The following FHIT variants were observed in gnomAD, a reference collection of about 807,000 sequenced individuals.
FHIT encodes the protein fragile histidine triad diadenosine triphosphatase.
A neutral mutation model predicts 17.9 loss-of-function variants in FHIT; 19 were observed. The observed-to-expected ratio is 1.06, with a 90% CI of 0.74 to 1.56. The LOEUF (loss-of-function observed/expected upper bound fraction) is 1.56. Among genes scored for constraint, FHIT ranks in the 40% most tolerant of loss-of-function variants. The pLI, the probability that FHIT is intolerant of heterozygous loss-of-function variation, is 0.00. For missense variants in FHIT, 248 were observed against 189.2 expected, an observed-to-expected ratio of 1.31 and a Z score of -1.82; for synonymous variants, 81 against 69.7, an observed-to-expected ratio of 1.16 and a Z score of -0.81.
chr3:60,492,208 T>C (rs1045179169), intron 5 of FHIT, among the ~76,000 whole-genome samples: 1 of 152,182 alleles, frequency 6.6e-6, no homozygotes, highest in Admixed American at 6.5e-5. Flanking sequence ...TATATGATGC[T>C]TATGTGGAAG....
At chr3:61,249,352 C>T (rs566366888) in intron 1 of FHIT, among the ~76,000 whole-genome samples, 78 of 152,284 alleles carry the variant, frequency 5.1e-4, no homozygotes, top group Admixed American at 1.3e-3. Context: ...TATATGGAAT[C>T]TTTATTATAG....
intron 7 of FHIT, among the ~76,000 whole-genome samples, chr3:60,001,550 G>A (rs1699729326): frequency 6.6e-6 from 1 of 152,144 alleles, no homozygotes; most frequent in African/African-American, 2.4e-5. Context: ...CGAGATCAGA[G>A]CGATTCAGAA....
At chr3:59,946,394 T>A (rs1401622717) in intron 7 of FHIT, among the ~76,000 whole-genome samples, 2 of 152,242 alleles carry the variant, frequency 1.3e-5, no homozygotes, top group Non-Finnish European at 2.9e-5. Flanking sequence ...CTTGCTGAAG[T>A]TGTTTATCAA....
At chr3:59,965,085 A>G (rs1429425018) in intron 7 of FHIT, among the ~76,000 whole-genome samples, 1 of 152,168 alleles carries the variant, frequency 6.6e-6, no homozygotes, top group Non-Finnish European at 1.5e-5. Flanking sequence ...TTAGGAAATA[A>G]CTAATTATAG....
intron 3 of FHIT, among the ~76,000 whole-genome samples, chr3:60,832,564 A>C (rs1385450709): frequency 6.6e-6 from 1 of 152,112 alleles, no homozygotes; most frequent in Non-Finnish European, 1.5e-5. Flanking sequence ...AACCAATTTC[A>C]ATAGAAACCA....
intron 4 of FHIT, among the ~76,000 whole-genome samples, chr3:60,569,745 A>ATT (rs2037296758): frequency 3.4e-5 from 2 of 58,804 alleles, no homozygotes; most frequent in African/African-American, 6.4e-5. Context: ...ATATATATAT[A>ATT]TATATATATA....
At position 60,277,683 on chromosome 3, in the gene FHIT, C is replaced by T. The variant is rs970454141; in HGVS notation, c.103+259177G>A. ...GCCTCCTCAAGCCTGCCTATAAACTCCAATGCACTCTGCCACAGGCTGGAA... is the reference window on the plus strand; with the variant it reads ...GCCTCCTCAAGCCTGCCTATAAACTTCAATGCACTCTGCCACAGGCTGGAA... On this transcript the variant is annotated intron_variant, in intron 5 of 9. Transcript: ENST00000492590. Among the ~76,000 whole-genome samples the T allele has an allele frequency of 3.9e-5, 6 of 152,252 alleles. No homozygotes were observed. In the South Asian group the frequency reaches 6.2e-4, roughly 16 times the overall value.
intron 5 of FHIT, among the ~76,000 whole-genome samples, chr3:60,377,220 T>TTTTTTTG (rs1700600150): frequency 2.7e-5 from 4 of 146,946 alleles, no homozygotes; most frequent in Non-Finnish European, 6.0e-5. Flanking sequence ...TTTTTTTTTT[T>TTTTTTTG]AATGGAGTTT....
At chr3:59,993,675 G>A (rs996867173) in intron 7 of FHIT, among the ~76,000 whole-genome samples, 8 of 151,858 alleles carry the variant, frequency 5.3e-5, no homozygotes, top group African/African-American at 7.2e-5. Flanking sequence ...TGAGGCCGGC[G>A]CCACCAAAAC....
chr3:60,726,007 G>A (rs1415893699), intron 4 of FHIT, among the ~76,000 whole-genome samples: 1 of 152,196 alleles, frequency 6.6e-6, no homozygotes, highest in Non-Finnish European at 1.5e-5. Context: ...GAATGGCACT[G>A]GAAAGTGGAG....
chr3:60,277,537 C>T (rs981381408), intron 5 of FHIT, among the ~76,000 whole-genome samples: 4 of 152,122 alleles, frequency 2.6e-5, no homozygotes, highest in Admixed American at 1.3e-4. Context: ...GGCAACATGG[C>T]GCCAGCTGGG....
intron 2 of FHIT, among the ~76,000 whole-genome samples, chr3:61,175,605 CGATTAAGTCATGAGGGCGAG>C (rs1186084625): frequency 6.6e-6 from 1 of 151,974 alleles, no homozygotes; most frequent in African/African-American, 2.4e-5. Context: ...CCTTGGGTAG[CGATTAAGTCATGAGGGCGAG>C]GCTCTCATGA....
chr3:60,247,021 G>A (rs763746545), intron 5 of FHIT, among the ~76,000 whole-genome samples: 17 of 152,170 alleles, frequency 1.1e-4, no homozygotes, highest in Non-Finnish European at 1.5e-4. Context: ...CAAACTCATC[G>A]AACATACATC....
chr3:60,969,035 TTCATTTAATACCCC>T (rs1361130984), intron 3 of FHIT, among the ~76,000 whole-genome samples: 2 of 152,176 alleles, frequency 1.3e-5, no homozygotes, highest in African/African-American at 4.8e-5. Flanking sequence ...TGGATTTATT[TTCATTTAATACCCC>T]TCATCTTTGG....
At chr3:60,108,034 G>C (rs1376455835) in intron 5 of FHIT, among the ~76,000 whole-genome samples, 3 of 152,096 alleles carry the variant, frequency 2.0e-5, no homozygotes, top group Non-Finnish European at 2.9e-5. Context: ...TTTTCTTCAA[G>C]GTTTCATCTT....
intron 4 of FHIT, among the ~76,000 whole-genome samples, chr3:60,813,218 G>A (rs1349434289): frequency 2.6e-5 from 4 of 151,144 alleles, no homozygotes; most frequent in African/African-American, 4.9e-5. Flanking sequence ...GCCTCCATGG[G>A]ATGACAAGCA....
intron 3 of FHIT, among the ~76,000 whole-genome samples, chr3:61,006,869 C>T (rs1360834300): frequency 6.6e-6 from 1 of 151,700 alleles, no homozygotes; most frequent in Non-Finnish European, 1.5e-5. Flanking sequence ...ATAATTTGAT[C>T]TATAATATTA....
intron 5 of FHIT, among the ~76,000 whole-genome samples, chr3:60,365,405 C>A (rs1700066649): frequency 6.6e-6 from 1 of 151,962 alleles, no homozygotes; most frequent in South Asian, 2.1e-4. Flanking sequence ...ATTATATACT[C>A]ACTGAGTTTT....
At chr3:60,043,752 C>T (rs1316613102) in intron 5 of FHIT, among the ~76,000 whole-genome samples, 3 of 152,174 alleles carry the variant, frequency 2.0e-5, no homozygotes, top group African/African-American at 7.2e-5. Context: ...ACTGATTAGA[C>T]AGTTATGGCT....
Sources: gnomAD v4.1 joint callset for allele counts (sites outside exome capture counted in the v4.1 genomes callset) on GRCh38, gnomAD v4.1.1 for gene constraint, MANE v1.5 for transcripts, NCBI Gene and HGNC (gene_info 2026-07-23, HGNC 2026-07-21) for gene names.